PTPN4: variants seen among roughly 807,000 people sequenced by gnomAD.
PTPN4 encodes protein tyrosine phosphatase non-receptor type 4.
Under a neutral mutation model 135.5 loss-of-function variants are expected in PTPN4, and 49 were observed. That is an observed-to-expected ratio of 0.36 (90% CI 0.29 to 0.46). PTPN4 has a LOEUF of 0.46. Among genes scored for constraint, PTPN4 ranks in the 20% least tolerant of loss-of-function variants. The pLI, the probability that PTPN4 is intolerant of heterozygous loss-of-function variation, is 1.00. For synonymous variants in PTPN4, 333 were observed against 369.9 expected (o/e 0.90, Z 1.14); for missense variants, 860 against 1,101.0 (o/e 0.78, Z 3.10).
chr2:119,865,889 T>TAAAAGGCAC (rs1650413874), intron 3 of PTPN4, among the ~76,000 whole-genome samples: 2 of 152,100 alleles, frequency 1.3e-5, no homozygotes, highest in Non-Finnish European at 2.9e-5. Context: ...TTTGTTTTTT[T>TAAAAGGCAC]CTCCTAAGTA....
At chr2:119,902,955 C>T (rs1334459228) in intron 10 of PTPN4, among the ~76,000 whole-genome samples, 5 of 152,158 alleles carry the variant, frequency 3.3e-5, no homozygotes, top group Non-Finnish European at 7.4e-5. Flanking sequence ...GCTCAGACCC[C>T]ATCAGAATAC....
intron 14 of PTPN4, among the ~76,000 whole-genome samples, chr2:119,933,790 G>A (rs942657081): frequency 6.6e-6 from 1 of 152,000 alleles, no homozygotes; most frequent in Non-Finnish European, 1.5e-5. Context: ...AATACTTAAC[G>A]TGTTAAAGTT....
At chr2:119,861,357 C>T (rs868851813) in intron 2 of PTPN4, among the ~76,000 whole-genome samples, 52 of 152,136 alleles carry the variant, frequency 3.4e-4, no homozygotes, top group African/African-American at 1.2e-3. Context: ...AATCACCATA[C>T]CAGGGACCAA....
Position 119,960,870 on chromosome 2 carries a change from A to G in PTPN4, c.2197A>G (p.Thr733Ala). The change falls in exon 23 of 27, where the codon ACT (threonine) becomes GCT (alanine). Residue 733 changes from threonine to alanine, a missense_variant. This residue lies in a region of PTPN4 where 176 missense variants were observed against 294.1 expected (regional missense o/e 0.60). Coordinates refer to ENST00000263708, the MANE Select transcript of PTPN4 (RefSeq NM_002830.4). ...YIACQGPLPH[T>A]CTDFWQMTWE... ...TGCTTGTCAAGGGCCATTACCACACACTTGTACAGATTTTTGGCAGATGAC... is the reference window on the plus strand; with the variant it reads ...TGCTTGTCAAGGGCCATTACCACACGCTTGTACAGATTTTTGGCAGATGAC... The G allele has an allele frequency of 6.2e-7, 1 of 1,613,884 alleles. No homozygotes were observed. The highest frequency in any genetic ancestry group is 8.5e-7 in the Non-Finnish European group (1 of 1,179,884).
chr2:119,962,047 C>G (rs1679373777), intron 23 of PTPN4, among the ~76,000 whole-genome samples: 1 of 152,136 alleles, frequency 6.6e-6, no homozygotes, highest in African/African-American at 2.4e-5. Flanking sequence ...CGGTATGGTA[C>G]ATGAATTACT....
At chr2:119,795,778 G>GCACC (rs771598677) in intron 1 of PTPN4, among the ~76,000 whole-genome samples, 2 of 152,246 alleles carry the variant, frequency 1.3e-5, no homozygotes, top group African/African-American at 2.4e-5. Flanking sequence ...GTGGAGCAAG[G>GCACC]CACCGCCCTG....
chr2:119,871,162 T>A (rs1677903907), intron 3 of PTPN4, among the ~76,000 whole-genome samples: 1 of 147,710 alleles, frequency 6.8e-6, no homozygotes, highest in Non-Finnish European at 1.5e-5. Context: ...ATGATAACAC[T>A]CTTTGCATAC....
At chr2:119,829,359 C>G (rs1239064620) in intron 2 of PTPN4, among the ~76,000 whole-genome samples, 1 of 152,106 alleles carries the variant, frequency 6.6e-6, no homozygotes, top group African/African-American at 2.4e-5. Context: ...CCACTTTAGC[C>G]ATTTTTATAT....
At chr2:119,900,230 A>G (rs937204277) in intron 9 of PTPN4, among the ~76,000 whole-genome samples, 1 of 152,060 alleles carries the variant, frequency 6.6e-6, no homozygotes. Flanking sequence ...TGATGTTTCT[A>G]ATGTATTATA....
At chr2:119,790,978 A>G (rs1387018797) in intron 1 of PTPN4, among the ~76,000 whole-genome samples, 1 of 152,080 alleles carries the variant, frequency 6.6e-6, no homozygotes, top group East Asian at 1.9e-4. Flanking sequence ...CCTTTGTATT[A>G]CTGTCACACA....
chr2:119,913,891 A>G (rs1466261478), intron 10 of PTPN4, among the ~76,000 whole-genome samples: 1 of 152,224 alleles, frequency 6.6e-6, no homozygotes, highest in Non-Finnish European at 1.5e-5. Context: ...TTACTGCTAT[A>G]TAAAATAGAT....
chr2:119,849,714 T>C (rs970736883), intron 2 of PTPN4, among the ~76,000 whole-genome samples: 1 of 152,218 alleles, frequency 6.6e-6, no homozygotes, highest in Non-Finnish European at 1.5e-5. Flanking sequence ...TTGAACTATT[T>C]TAGCCTCTGA....
At chr2:119,863,534 A>G (rs1426525826) in intron 3 of PTPN4, among the ~76,000 whole-genome samples, 1 of 152,136 alleles carries the variant, frequency 6.6e-6, no homozygotes, top group African/African-American at 2.4e-5. Context: ...GGCTATAGAA[A>G]ATACAAATAA....
At chr2:119,760,826 T>C (rs1459124633) in intron 1 of PTPN4, among the ~76,000 whole-genome samples, 2 of 133,282 alleles carry the variant, frequency 1.5e-5, no homozygotes, top group African/African-American at 2.9e-5. Flanking sequence ...AAGCCTGTTA[T>C]GATTCTACCA....
Position 119,877,512 on chromosome 2 carries a change from A to G in PTPN4, c.338A>G (p.Asp113Gly). 1 of 1,610,266 alleles carries G rather than the reference A, an allele frequency of 6.2e-7. No homozygotes were observed. Among genetic ancestry groups the G allele is most frequent in the African/African-American group, 1.3e-5 (1 of 74,926 alleles). Residue 113 changes from aspartate to glycine, a missense_variant, in exon 5 of 27, where the codon GAC becomes GGC. Transcript: ENST00000263708. ...LNFRVKFFVS[D>G]PNKLQEEYTR... The stretch of plus-strand genomic sequence containing the variant: ...TTTAGAGTCAAATTTTTTGTAAGTG[A>G]CCCCAACAAGTTACAAGAAGAATAT...
chr2:119,905,772 A>G (rs1014765911), intron 10 of PTPN4, among the ~76,000 whole-genome samples: 2 of 152,172 alleles, frequency 1.3e-5, no homozygotes, highest in Non-Finnish European at 2.9e-5. Flanking sequence ...ATTTTCTCAC[A>G]CCACAATGGA....
chr2:119,973,652 C>CTTTTTTTTTTTTTTTTTTTTTTTTTT (rs1553481271), intron 26 of PTPN4, among the ~76,000 whole-genome samples: 1 of 18,090 alleles, frequency 5.5e-5, no homozygotes, highest in African/African-American at 2.5e-4. Context: ...TCCTTCATTT[C>CTTTTTTTTTTTTTTTTTTTTTTTTTT]TTGTTTTTTT....
chr2:119,783,598 A>G (rs149871051), intron 1 of PTPN4, among the ~76,000 whole-genome samples: 52 of 152,362 alleles, frequency 3.4e-4, no homozygotes, highest in African/African-American at 1.3e-3. Flanking sequence ...GAAGAAATAG[A>G]AATCATTATG....
intron 3 of PTPN4, among the ~76,000 whole-genome samples, chr2:119,865,788 T>C (rs528179288): frequency 3.8e-4 from 58 of 152,216 alleles, no homozygotes; most frequent in Admixed American, 3.1e-3. Context: ...TATTTTTATA[T>C]ATTAGTTTTA....
Sources: gnomAD v4.1 joint callset for allele counts (sites outside exome capture counted in the v4.1 genomes callset) on GRCh38, gnomAD v4.1.1 for gene constraint, gnomAD v4.1.1 regional missense constraint, MANE v1.5 for transcripts, NCBI Gene and HGNC (gene_info 2026-07-23, HGNC 2026-07-21) for gene names.